OTUD7A: variants seen among roughly 807,000 people sequenced by gnomAD.
The protein encoded by OTUD7A is OTU deubiquitinase 7A.
A neutral mutation model predicts 65.7 loss-of-function variants in OTUD7A; 12 were observed. The observed-to-expected ratio is 0.18, with a 90% CI of 0.12 to 0.30. OTUD7A has a LOEUF of 0.30. OTUD7A is among the 10% of genes least tolerant of loss of function. The pLI is 1.00. For synonymous variants in OTUD7A, 641 were observed against 586.3 expected, an observed-to-expected ratio of 1.09 and a Z score of -1.35; for missense variants, 1,148 against 1,304.8, an observed-to-expected ratio of 0.88 and a Z score of 1.85.
rs1229354020 is a variant in OTUD7A, at chr15:31,766,955, G to A, written c.-100+103552C>T. ...GGTTTGCTGTTAGAGGATAGATCAC[G>A]CATACTACTTAACCCTATTAAATTA... On this transcript the variant is annotated intron_variant, in intron 1 of 12. Transcript: ENST00000307050. 19 of 1,610,448 alleles carry A rather than the reference G, an allele frequency of 1.2e-5. No individual in the cohort carries two copies. The East Asian group carries it at 1.8e-4, about 15-fold the overall frequency.
intron 1 of OTUD7A, among the ~76,000 whole-genome samples, chr15:31,682,046 C>G (rs1044678467): frequency 5.9e-5 from 9 of 152,098 alleles, no homozygotes; most frequent in African/African-American, 2.2e-4. Flanking sequence ...AGTGACATCT[C>G]ATCTGAAAAC....
intron 1 of OTUD7A, among the ~76,000 whole-genome samples, chr15:31,753,721 T>TATATATATATATATTA (rs879561188): frequency 2.8e-5 from 3 of 106,754 alleles, no homozygotes; most frequent in Admixed American, 1.8e-4. Context: ...TATATATATA[T>TATATATATATATATTA]TATATATATA....
intron 1 of OTUD7A, among the ~76,000 whole-genome samples, chr15:31,716,690 T>A (rs1905384): frequency 0.47 from 53,488 of 113,616 alleles, 13,018 homozygotes; most frequent in Middle Eastern, 0.63. Flanking sequence ...CCTATCAATT[T>A]TAGTGAGATA....
In OTUD7A at chr15:31,730,487, T is replaced by C. The variant is rs187532523; in HGVS notation, c.-99-73410A>G. 1.4e-4 allele frequency among the ~76,000 whole-genome samples: 22 copies of C among 152,316 alleles called. No individual in the cohort carries two copies. The East Asian group carries it at 4.1e-3, about 28-fold the overall frequency. The stretch of plus-strand genomic sequence containing the variant: ...AAGGCATCAAATTCCCTCTATGAGT[T>C]TGGCTCTGAAATGTCAACCTTCTGG... On this transcript the variant is annotated intron_variant, in intron 1 of 12. Coordinates refer to ENST00000307050, the MANE Select transcript of OTUD7A (RefSeq NM_001382637.1).
intron 1 of OTUD7A, among the ~76,000 whole-genome samples, chr15:31,867,665 T>C (rs1420359502): frequency 1.3e-5 from 2 of 152,216 alleles, no homozygotes; most frequent in African/African-American, 2.4e-5. Context: ...CACCAGCCTG[T>C]AGTTCACTGA....
intron 6 of OTUD7A, among the ~76,000 whole-genome samples, chr15:31,530,418 AT>A (rs1378811837): frequency 6.6e-6 from 1 of 152,056 alleles, no homozygotes; most frequent in Non-Finnish European, 1.5e-5. Context: ...AGTCCTTTTT[AT>A]TTGTACCAGG....
In OTUD7A at chr15:31,638,863, G is replaced by A. The variant is rs530387146; in HGVS notation, c.151+16233C>T. On this transcript the variant is annotated intron_variant, in intron 3 of 12. Coordinates refer to ENST00000307050, the MANE Select transcript of OTUD7A (RefSeq NM_001382637.1). ...TCAAAAGATTCCTCAGGCCAGGTGC[G>A]GTCGCTCACGCCTATAATCCCAGCG... 2.6e-5 allele frequency among the ~76,000 whole-genome samples: 4 copies of A among 152,184 alleles called. No individual in the cohort carries two copies. In the South Asian group the frequency reaches 6.2e-4, roughly 24 times the overall value.
At chr15:31,631,583 C>G (rs535920865) in intron 3 of OTUD7A, among the ~76,000 whole-genome samples, 1 of 152,142 alleles carries the variant, frequency 6.6e-6, no homozygotes, top group South Asian at 2.1e-4. Flanking sequence ...CTGCTCTTCT[C>G]GAGGAGTATC....
chr15:31,503,913 C>G, intron 8 of OTUD7A, 95 bp from the exon 9 acceptor site: 1 of 1,445,262 alleles, frequency 6.9e-7, no homozygotes, highest in Non-Finnish European at 9.5e-7. Context: ...GAGCCCTCCC[C>G]ACTCTGGATA....
At chr15:31,699,367 T>TCA (rs1244575468) in intron 1 of OTUD7A, among the ~76,000 whole-genome samples, 1 of 152,140 alleles carries the variant, frequency 6.6e-6, no homozygotes, top group African/African-American at 2.4e-5. Flanking sequence ...GCGTGAGCCA[T>TCA]CACGCTCAGC....
intron 8 of OTUD7A, among the ~76,000 whole-genome samples, chr15:31,507,984 G>A (rs1208832753): frequency 6.6e-6 from 1 of 152,148 alleles, no homozygotes. Context: ...TAGAGGGCCA[G>A]GACATAAATA....
intron 8 of OTUD7A, among the ~76,000 whole-genome samples, chr15:31,522,583 A>G (rs1416224360): frequency 6.6e-6 from 1 of 152,170 alleles, no homozygotes; most frequent in African/African-American, 2.4e-5. Flanking sequence ...TCTGAATCTC[A>G]GCCTCCTTCT....
intron 10 of OTUD7A, among the ~76,000 whole-genome samples, chr15:31,488,502 C>T (rs918118811): frequency 6.6e-6 from 1 of 152,102 alleles, no homozygotes; most frequent in Non-Finnish European, 1.5e-5. Context: ...GGGAGATGGT[C>T]TCCCCAAGTC....
At chr15:31,659,362 G>A (rs139717735) in intron 1 of OTUD7A, among the ~76,000 whole-genome samples, 121 of 152,170 alleles carry the variant, frequency 8.0e-4, no homozygotes, top group African/African-American at 2.7e-3. Context: ...CCTGAGAGCT[G>A]GGATCCACTT....
intron 2 of OTUD7A, chr15:31,655,460 G>A: frequency 1.0e-5 from 4 of 396,466 alleles, no homozygotes; most frequent in Non-Finnish European, 1.8e-5. Context: ...TCATCCCTGT[G>A]TACATGCCAT....
intron 1 of OTUD7A, among the ~76,000 whole-genome samples, chr15:31,680,470 A>C (rs541608107): frequency 1.2e-4 from 18 of 152,248 alleles, no homozygotes; most frequent in Non-Finnish European, 2.6e-4. Context: ...AGTGTCTCTA[A>C]GATATTAATG....
At chr15:31,631,050 G>A (rs553096150) in intron 3 of OTUD7A, among the ~76,000 whole-genome samples, 23 of 152,378 alleles carry the variant, frequency 1.5e-4, no homozygotes, top group Non-Finnish European at 2.9e-4. Context: ...CAATTTGCCA[G>A]TCTGTGTCTT....
intron 10 of OTUD7A, among the ~76,000 whole-genome samples, chr15:31,494,494 C>A (rs1204179619): frequency 6.6e-6 from 1 of 152,194 alleles, no homozygotes; most frequent in Non-Finnish European, 1.5e-5. Flanking sequence ...TATTCTGTGG[C>A]AGCAGCCTGA....
chr15:31,564,982 G>A (rs528560184), intron 4 of OTUD7A, among the ~76,000 whole-genome samples: 16 of 152,058 alleles, frequency 1.1e-4, no homozygotes, highest in South Asian at 8.3e-4. Context: ...AAAAACACAC[G>A]AGGAAGATAA....
Sources: allele counts gnomAD v4.1 joint callset (sites outside exome capture counted in the v4.1 genomes callset), GRCh38; gene constraint gnomAD v4.1.1; transcripts MANE v1.5; gene names NCBI Gene and HGNC (gene_info 2026-07-23, HGNC 2026-07-21).